Variants in TCF12 observed in about 807,000 individuals in gnomAD.
The protein encoded by TCF12 is DNA-binding protein HTF4.
A neutral mutation model predicts 86.0 loss-of-function variants in TCF12; 45 were observed. The observed-to-expected ratio is 0.52, with a 90% CI of 0.41 to 0.67. The LOEUF is 0.67. Ranked by LOEUF, TCF12 falls within the 30% of genes least tolerant of loss-of-function variation. The probability of loss-of-function intolerance (pLI) is 0.00; values close to 1 mark genes in which losing one functional copy is unlikely to be tolerated. For synonymous variants in TCF12, 330 were observed against 299.6 expected (o/e 1.10, Z -1.05); for missense variants, 881 against 859.9 (o/e 1.02, Z -0.31).
At chr15:56,970,145 C>G (rs2062215519) in intron 3 of TCF12, among the ~76,000 whole-genome samples, 1 of 152,096 alleles carries the variant, frequency 6.6e-6, no homozygotes, top group South Asian at 2.1e-4. Context: ...TCTCAGAGCA[C>G]TGGGGTAAAG....
At chr15:56,953,476 T>C (rs2061368010) in intron 3 of TCF12, among the ~76,000 whole-genome samples, 1 of 152,086 alleles carries the variant, frequency 6.6e-6, no homozygotes, top group Non-Finnish European at 1.5e-5. Context: ...CTAGAGGAGT[T>C]TGATTATAAT....
intron 3 of TCF12, among the ~76,000 whole-genome samples, chr15:57,021,982 G>GT (rs1861523934): frequency 6.6e-6 from 1 of 151,918 alleles, no homozygotes; most frequent in African/African-American, 2.4e-5. Flanking sequence ...ATTTCAAATA[G>GT]TTTAACTTAT....
chr15:57,279,639 T>TG (rs1298403289), intron 19 of TCF12, among the ~76,000 whole-genome samples: 1 of 152,160 alleles, frequency 6.6e-6, no homozygotes, highest in Non-Finnish European at 1.5e-5. Context: ...TGAAAGATCT[T>TG]GCCTAATTTA....
intron 5 of TCF12, among the ~76,000 whole-genome samples, chr15:57,165,485 A>G (rs1250538675): frequency 3.9e-5 from 6 of 152,066 alleles, no homozygotes; most frequent in African/African-American, 1.4e-4. Context: ...GCACATCATT[A>G]TTATGATAAT....
intron 3 of TCF12, among the ~76,000 whole-genome samples, chr15:56,975,889 T>C (rs1052155814): frequency 6.6e-6 from 1 of 151,564 alleles, no homozygotes; most frequent in Non-Finnish European, 1.5e-5. Flanking sequence ...TGGAACATCT[T>C]GTCACACTAG....
At chr15:56,960,328 A>G (rs16977168) in intron 3 of TCF12, among the ~76,000 whole-genome samples, 2,082 of 152,200 alleles carry the variant, frequency 0.014, 55 homozygotes, top group African/African-American at 0.044. Context: ...GTCCTACGAA[A>G]TGTTTGCTGC....
At chr15:56,953,064 T>C (rs2061353161) in intron 3 of TCF12, among the ~76,000 whole-genome samples, 1 of 152,068 alleles carries the variant, frequency 6.6e-6, no homozygotes, top group African/African-American at 2.4e-5. Flanking sequence ...AGAATAGATG[T>C]TGGATTTTGC....
chr15:57,263,703 G>A (rs1293463648), intron 18 of TCF12, among the ~76,000 whole-genome samples: 2 of 152,120 alleles, frequency 1.3e-5, no homozygotes, highest in African/African-American at 4.8e-5. Context: ...TTTCATCATT[G>A]TGCAAACATA....
At chr15:56,942,561 A>G (rs2060824773) in intron 3 of TCF12, among the ~76,000 whole-genome samples, 2 of 152,164 alleles carry the variant, frequency 1.3e-5, no homozygotes, top group African/African-American at 2.4e-5. Context: ...ATATATTTCA[A>G]TGTAAAGATA....
At chr15:56,927,935 A>C (rs1358205470) in intron 3 of TCF12, among the ~76,000 whole-genome samples, 1 of 152,158 alleles carries the variant, frequency 6.6e-6, no homozygotes, top group Non-Finnish European at 1.5e-5. Flanking sequence ...CTTGTATACA[A>C]ATGTGTTGTG....
chr15:56,965,713 G>A (rs1239018477), intron 3 of TCF12, among the ~76,000 whole-genome samples: 1 of 152,032 alleles, frequency 6.6e-6, no homozygotes, highest in African/African-American at 2.4e-5. Flanking sequence ...GGAGTGCCAG[G>A]GTTTTTTGGG....
At chr15:57,218,520 C>G (rs1566932262) in intron 8 of TCF12, among the ~76,000 whole-genome samples, 1 of 152,072 alleles carries the variant, frequency 6.6e-6, no homozygotes. Flanking sequence ...CTTATTTTTC[C>G]TTTCTGAGAA....
intron 6 of TCF12, among the ~76,000 whole-genome samples, chr15:57,177,038 G>A (rs1425951231): frequency 6.6e-6 from 1 of 152,096 alleles, no homozygotes; most frequent in Non-Finnish European, 1.5e-5. Context: ...TGACTCATAA[G>A]GTAGCATGTG....
intron 19 of TCF12, among the ~76,000 whole-genome samples, chr15:57,277,024 T>A (rs1162211203): frequency 7.2e-5 from 11 of 152,074 alleles, no homozygotes; most frequent in African/African-American, 2.4e-4. Context: ...CAGACTGGTC[T>A]GAAACTCCTG....
At chr15:57,040,973 T>C (rs2066860059) in intron 3 of TCF12, among the ~76,000 whole-genome samples, 1 of 152,200 alleles carries the variant, frequency 6.6e-6, no homozygotes, top group South Asian at 2.1e-4. Context: ...AAAAAATCCC[T>C]TTTAAATTAC....
At chr15:57,074,564 G>A (rs1239791930) in intron 4 of TCF12, among the ~76,000 whole-genome samples, 1 of 152,102 alleles carries the variant, frequency 6.6e-6, no homozygotes, top group Non-Finnish European at 1.5e-5. Flanking sequence ...TGGAAATGCA[G>A]TGGCACAGTC....
intron 4 of TCF12, among the ~76,000 whole-genome samples, chr15:57,076,017 C>T (rs376440964): frequency 6.6e-6 from 1 of 151,198 alleles, no homozygotes; most frequent in African/African-American, 2.4e-5. Flanking sequence ...CCTGTGCTAC[C>T]ATATCTGGCT....
chr15:57,094,328 T>C (rs1392994466), intron 5 of TCF12, among the ~76,000 whole-genome samples: 1 of 152,242 alleles, frequency 6.6e-6, no homozygotes, highest in African/African-American at 2.4e-5. Flanking sequence ...ATATCTGATA[T>C]ACTTCACTTC....
intron 16 of TCF12, among the ~76,000 whole-genome samples, chr15:57,256,503 A>T (rs763651078): frequency 7.2e-5 from 11 of 152,202 alleles, no homozygotes; most frequent in Non-Finnish European, 1.2e-4. Flanking sequence ...CTAACTAATC[A>T]TGACTAAGAA....
Sources: allele counts gnomAD v4.1 joint callset (sites outside exome capture counted in the v4.1 genomes callset), GRCh38; gene constraint gnomAD v4.1.1; transcripts MANE v1.5; gene names NCBI Gene and HGNC (gene_info 2026-07-23, HGNC 2026-07-21).